DLGAP2: variants seen among roughly 807,000 people sequenced by gnomAD.
DLGAP2 encodes disks large-associated protein 2.
A neutral mutation model predicts 100.3 loss-of-function variants in DLGAP2; 26 were observed. The observed-to-expected ratio is 0.26, with a 90% CI of 0.19 to 0.36. The LOEUF is 0.36. Among genes scored for constraint, DLGAP2 ranks in the 10% least tolerant of loss-of-function variants. DLGAP2 has a pLI of 1.00. For synonymous variants in DLGAP2, 886 were observed against 630.1 expected (o/e 1.41, Z -6.08); for missense variants, 1,858 against 1,453.2 (o/e 1.28, Z -4.53).
intron 2 of DLGAP2, among the ~76,000 whole-genome samples, chr8:1,249,967 G>C (rs1799000927): frequency 6.6e-6 from 1 of 152,054 alleles, no homozygotes; most frequent in Non-Finnish European, 1.5e-5. Context: ...TGCAACCTCT[G>C]CCTCCCAGGT....
chr8:1,094,004 G>A (rs1467573663), intron 2 of DLGAP2, among the ~76,000 whole-genome samples: 3 of 109,710 alleles, frequency 2.7e-5, no homozygotes, highest in Non-Finnish European at 6.0e-5. Flanking sequence ...GCAGCTCCCC[G>A]GTGGAGGGAG....
intron 1 of DLGAP2, among the ~76,000 whole-genome samples, chr8:775,993 G>T (rs1398040052): frequency 1.3e-5 from 2 of 151,510 alleles, no homozygotes; most frequent in Non-Finnish European, 3.0e-5. Context: ...ACTCTTTTTG[G>T]TTGGTAAGCT....
chr8:1,493,442 C>T (rs945966549), intron 3 of DLGAP2, among the ~76,000 whole-genome samples: 9 of 152,256 alleles, frequency 5.9e-5, no homozygotes, highest in Non-Finnish European at 2.9e-5. Flanking sequence ...GGCTTTCAGA[C>T]ACGCCTCTGC....
At chr8:1,320,344 CGAG>C (rs922897651) in intron 3 of DLGAP2, among the ~76,000 whole-genome samples, 70 of 152,160 alleles carry the variant, frequency 4.6e-4, no homozygotes, top group African/African-American at 1.6e-3. Context: ...GGCCAGGACT[CGAG>C]GGAACCGTAG....
chr8:1,592,991 A>G (rs1486693931), intron 6 of DLGAP2, among the ~76,000 whole-genome samples: 5 of 152,168 alleles, frequency 3.3e-5, no homozygotes, highest in Non-Finnish European at 7.3e-5. Context: ...TATATTATGA[A>G]GTACTCAAAT....
intron 2 of DLGAP2, among the ~76,000 whole-genome samples, chr8:984,687 C>T (rs1044156089): frequency 7.9e-5 from 12 of 152,170 alleles, no homozygotes; most frequent in East Asian, 3.9e-4. Context: ...AAAGACAGGA[C>T]GTGATTAGCT....
At chr8:941,161 C>T (rs1236473523) in intron 2 of DLGAP2, among the ~76,000 whole-genome samples, 1 of 152,134 alleles carries the variant, frequency 6.6e-6, no homozygotes, top group South Asian at 2.1e-4. Flanking sequence ...GTCCCTGCGT[C>T]TGAGTCCTGT....
intron 2 of DLGAP2, among the ~76,000 whole-genome samples, chr8:1,040,618 G>T (rs981761529): frequency 6.6e-6 from 1 of 150,586 alleles, no homozygotes; most frequent in African/African-American, 2.4e-5. Flanking sequence ...CGGTGTGCGT[G>T]GTCGGCTCGA....
chr8:1,318,279 A>G (rs1474664674), intron 3 of DLGAP2, among the ~76,000 whole-genome samples: 1 of 152,198 alleles, frequency 6.6e-6, no homozygotes, highest in Non-Finnish European at 1.5e-5. Context: ...ACAACATGAA[A>G]TAAAAAGGTT....
At chr8:954,898 T>TAACTAAATTA (rs1799561683) in intron 2 of DLGAP2, among the ~76,000 whole-genome samples, 1 of 152,172 alleles carries the variant, frequency 6.6e-6, no homozygotes, top group Non-Finnish European at 1.5e-5. Flanking sequence ...GTCTAATATT[T>TAACTAAATTA]GACTAAATTA....
chr8:1,463,664 C>G (rs895332966), intron 3 of DLGAP2, among the ~76,000 whole-genome samples: 1 of 152,234 alleles, frequency 6.6e-6, no homozygotes, highest in Admixed American at 6.5e-5. Context: ...CCAAATCTCA[C>G]TTGCATTTCC....
At chr8:1,180,249 CAT>C (rs1374867923) in intron 2 of DLGAP2, among the ~76,000 whole-genome samples, 6 of 152,326 alleles carry the variant, frequency 3.9e-5, no homozygotes, top group Admixed American at 1.3e-4. Context: ...TCTAGCTACA[CAT>C]ATGTCCATGT....
chr8:1,268,579 A>G (rs764849213), intron 3 of DLGAP2, among the ~76,000 whole-genome samples: 6 of 152,154 alleles, frequency 3.9e-5, no homozygotes, highest in African/African-American at 9.7e-5. Flanking sequence ...AATGCCCCCA[A>G]TTTAACATCT....
chr8:1,213,512 A>G (rs1341968366), intron 2 of DLGAP2, among the ~76,000 whole-genome samples: 2 of 152,108 alleles, frequency 1.3e-5, no homozygotes, highest in African/African-American at 4.8e-5. Flanking sequence ...TCCTGACTTT[A>G]TATCACCCGT....
chr8:1,429,055 G>T lies in DLGAP2; in HGVS notation c.107-72311G>T, dbSNP rs59303084. Among the ~76,000 whole-genome samples, 3 of 152,200 alleles carry T rather than the reference G, an allele frequency of 2.0e-5. No individual in the cohort carries two copies. In the East Asian group the frequency reaches 5.8e-4, roughly 29 times the overall value. On this transcript the variant is annotated intron_variant, in intron 3 of 14. Coordinates refer to ENST00000637795, the MANE Select transcript of DLGAP2 (RefSeq NM_001346810.2). ...TGGGCAGCACCAGACTGCAAGCAGT[G>T]TAGCACTTCTCTAGGGCTTCAGAGG...
intron 2 of DLGAP2, among the ~76,000 whole-genome samples, chr8:1,164,169 C>CCCAGGGCCT (rs1563224147): frequency 4.9e-5 from 1 of 20,344 alleles, no homozygotes; most frequent in Non-Finnish European, 1.1e-4. Context: ...CCCCAGGGCC[C>CCCAGGGCCT]GTCATTTTGG....
chr8:1,185,587 A>G (rs550338663), intron 2 of DLGAP2, among the ~76,000 whole-genome samples: 47 of 152,264 alleles, frequency 3.1e-4, no homozygotes, highest in African/African-American at 1.1e-3. Context: ...TTGACTCGCT[A>G]ATTCCATCAT....
intron 6 of DLGAP2, among the ~76,000 whole-genome samples, chr8:1,582,130 C>T (rs1247128384): frequency 1.4e-5 from 2 of 146,608 alleles, no homozygotes; most frequent in Non-Finnish European, 3.0e-5. Flanking sequence ...GTGAAGGATA[C>T]AGATAAAACC....
intron 2 of DLGAP2, among the ~76,000 whole-genome samples, chr8:925,415 C>G (rs1003876799): frequency 6.6e-6 from 1 of 152,138 alleles, no homozygotes; most frequent in African/African-American, 2.4e-5. Context: ...ATGGTTGTCT[C>G]TGGGCTGAAG....
Sources: gnomAD v4.1 joint callset for allele counts (sites outside exome capture counted in the v4.1 genomes callset) on GRCh38, gnomAD v4.1.1 for gene constraint, MANE v1.5 for transcripts, NCBI Gene and HGNC (gene_info 2026-07-23, HGNC 2026-07-21) for gene names.